Variants in PACS1 observed in about 807,000 individuals in gnomAD.
PACS1 encodes the protein PACS-1.
PACS1 carries 24 observed loss-of-function variants against 115.0 expected under a neutral mutation model. That is an observed-to-expected ratio of 0.21 (90% CI 0.15 to 0.29). The LOEUF is 0.29. Among genes scored for constraint, PACS1 ranks in the 10% least tolerant of loss-of-function variants. The probability of loss-of-function intolerance (pLI) is 1.00; values close to 1 mark genes in which losing one functional copy is unlikely to be tolerated. For synonymous variants in PACS1, 453 were observed against 504.5 expected (o/e 0.90, Z 1.37); for missense variants, 838 against 1,251.2 (o/e 0.67, Z 4.98).
At chr11:66,082,599 C>CGA (rs1857505025) in intron 1 of PACS1, among the ~76,000 whole-genome samples, 1 of 152,092 alleles carries the variant, frequency 6.6e-6, no homozygotes, top group African/African-American at 2.4e-5. Flanking sequence ...CTGTGGCTCA[C>CGA]GCCTGTAATC....
At chr11:66,075,159 G>A (rs1160122107) in intron 1 of PACS1, among the ~76,000 whole-genome samples, 1 of 152,018 alleles carries the variant, frequency 6.6e-6, no homozygotes, top group African/African-American at 2.4e-5. Context: ...TAGCCAGGAT[G>A]GTCTCGATCT....
chr11:66,231,523 C>G (rs1855594400), intron 13 of PACS1, among the ~76,000 whole-genome samples: 1 of 152,198 alleles, frequency 6.6e-6, no homozygotes, highest in Non-Finnish European at 1.5e-5. Flanking sequence ...CCCGGCACAC[C>G]TTACACAGTT....
At chr11:66,125,847 C>G (rs969128643) in intron 1 of PACS1, among the ~76,000 whole-genome samples, 1 of 152,060 alleles carries the variant, frequency 6.6e-6, no homozygotes, top group African/African-American at 2.4e-5. Context: ...CAAGACCAGC[C>G]TGGCCAACAT....
chr11:66,187,006 G>C (rs1854393921), intron 1 of PACS1, among the ~76,000 whole-genome samples: 1 of 152,018 alleles, frequency 6.6e-6, no homozygotes, highest in Non-Finnish European at 1.5e-5. Flanking sequence ...TGGTCTTTTG[G>C]GTCTGGCTCT....
chr11:66,229,521 T>C (rs188151649), intron 11 of PACS1, among the ~76,000 whole-genome samples: 2 of 151,670 alleles, frequency 1.3e-5, no homozygotes, highest in African/African-American at 4.8e-5. Context: ...AACACGTCTC[T>C]ACTAAAAATA....
chr11:66,136,899 G>A (rs954898317), intron 1 of PACS1, among the ~76,000 whole-genome samples: 13 of 152,046 alleles, frequency 8.6e-5, no homozygotes, highest in African/African-American at 3.1e-4. Flanking sequence ...GACAGTGCCC[G>A]GCCTCCGTAG....
At chr11:66,087,540 A>T (rs915683919) in intron 1 of PACS1, among the ~76,000 whole-genome samples, 5 of 152,216 alleles carry the variant, frequency 3.3e-5, no homozygotes, top group Admixed American at 6.5e-5. Flanking sequence ...AGCCAAGAAC[A>T]CTTGTATCTA....
At chr11:66,159,325 T>C (rs1214031221) in intron 1 of PACS1, among the ~76,000 whole-genome samples, 1 of 151,986 alleles carries the variant, frequency 6.6e-6, no homozygotes, top group Non-Finnish European at 1.5e-5. Flanking sequence ...TAATCCCAGA[T>C]ACTCAGGAAG....
intron 1 of PACS1, among the ~76,000 whole-genome samples, chr11:66,074,793 G>A (rs1196661908): frequency 1.3e-5 from 2 of 152,152 alleles, no homozygotes; most frequent in African/African-American, 4.8e-5. Context: ...TGCAGCAGAA[G>A]TGTTACTTTC....
chr11:66,070,276 G>C lies in PACS1; in HGVS notation c.-211G>C, dbSNP rs1311385879. The stretch of plus-strand genomic sequence containing the variant: ...CGCCCCCTCCCGGACACGCCCACCC[G>C]TGTCGGCCTCGCGAGCCGCAACAGG... On this transcript the variant is annotated 5_prime_UTR_variant, in exon 1 of 24. Coordinates refer to ENST00000320580, the MANE Select transcript of PACS1 (RefSeq NM_018026.4). The surrounding 1 kb of genome is among the most constrained non-coding windows in gnomAD (Gnocchi z 5.9). The C allele has an allele frequency of 6.3e-6, 1 of 159,156 alleles. No homozygotes were observed. The highest frequency in any genetic ancestry group is 1.3e-5 in the Non-Finnish European group (1 of 74,546). The allele number at this position is 159,156 out of a possible 1,614,324, so 9.9% of individuals were successfully genotyped here.
At position 66,216,731 on chromosome 11, in the gene PACS1, A is replaced by G. The variant is rs777330188; in HGVS notation, c.934A>G (p.Lys312Glu). The G allele has an allele frequency of 6.2e-7, 1 of 1,614,040 alleles. No homozygotes were observed. Among genetic ancestry groups the G allele is most frequent in the South Asian group, 1.1e-5 (1 of 91,084 alleles). The change falls in exon 7 of 24, where the codon AAG becomes GAG. Residue 312 changes from lysine to glutamate, a missense_variant. Lys to Glu is a moderately conservative substitution (Grantham distance 56, BLOSUM62 1). This residue lies in a region of PACS1 where 223 missense variants were observed against 354.0 expected (regional missense o/e 0.63). Transcript: ENST00000320580. ...FYEDEDLRKV[K>E]KTRRKLTSTS... ...CGAAGACGAAGATCTCCGGAAAGTG[A>G]AGAAGACCCGGAGGAAACTAACCTC... is the stretch of plus-strand genomic sequence containing the variant.
At position 66,243,035 on chromosome 11, in the gene PACS1, C is replaced by G; in HGVS notation, c.2776+4C>G. 3 of 1,613,718 alleles carry G rather than the reference C, an allele frequency of 1.9e-6. No individual in the cohort carries two copies. The highest frequency in any genetic ancestry group is 2.5e-6 in the Non-Finnish European group (3 of 1,179,838). On this transcript the variant is annotated splice_donor_region_variant and intron_variant, in intron 23 of 23. Coordinates refer to ENST00000320580, the MANE Select transcript of PACS1 (RefSeq NM_018026.4). ...CAGCAGCAGACTATGCTGAGAGGTG[C>G]GAGGGCAGGCAGGGCCGGGAGGAGG...
At chr11:66,128,260 A>C (rs1188114663) in intron 1 of PACS1, among the ~76,000 whole-genome samples, 1 of 152,248 alleles carries the variant, frequency 6.6e-6, no homozygotes, top group Non-Finnish European at 1.5e-5. Flanking sequence ...ACAAACCAAA[A>C]AAGACAAGAG....
intron 1 of PACS1, among the ~76,000 whole-genome samples, chr11:66,152,415 C>A (rs1201600163): frequency 6.6e-6 from 1 of 152,036 alleles, no homozygotes; most frequent in African/African-American, 2.4e-5. Flanking sequence ...CATAAGTGTA[C>A]TTGGAGTCTT....
intron 1 of PACS1, among the ~76,000 whole-genome samples, chr11:66,184,851 G>C (rs918525242): frequency 2.0e-5 from 3 of 152,154 alleles, no homozygotes; most frequent in Admixed American, 6.6e-5. Flanking sequence ...CAGAGAATAT[G>C]TACAGTAAAA....
chr11:66,115,912 C>G (rs1858295574), intron 1 of PACS1, among the ~76,000 whole-genome samples: 2 of 152,210 alleles, frequency 1.3e-5, no homozygotes, highest in African/African-American at 4.8e-5. Context: ...TGACTTTAAG[C>G]TTTCTTCCTC....
chr11:66,232,851 A>G, intron 14 of PACS1, 109 bp from the exon 15 acceptor site: 1 of 806,126 alleles, frequency 1.2e-6, no homozygotes, highest in Non-Finnish European at 2.1e-6. Flanking sequence ...TCTGAACTGC[A>G]GAGGACAGGG....
chr11:66,154,106 T>C (rs1334002295), intron 1 of PACS1, among the ~76,000 whole-genome samples: 2 of 152,144 alleles, frequency 1.3e-5, no homozygotes, highest in Non-Finnish European at 2.9e-5. Context: ...TACAGAGCTA[T>C]AAAAATCTTC....
intron 1 of PACS1, among the ~76,000 whole-genome samples, chr11:66,108,772 AAG>A (rs759890864): frequency 2.6e-4 from 39 of 151,998 alleles, no homozygotes; most frequent in Non-Finnish European, 1.6e-4. Context: ...CTCAAAAAGA[AAG>A]AGAGAAAGAG....
Sources: allele counts gnomAD v4.1 joint callset (sites outside exome capture counted in the v4.1 genomes callset), GRCh38; gene constraint gnomAD v4.1.1; regional missense constraint gnomAD v4.1.1; non-coding constraint Gnocchi (gnomAD v3.1); transcripts MANE v1.5; gene names NCBI Gene and HGNC (gene_info 2026-07-23, HGNC 2026-07-21).